Variants in MCM9 observed in about 807,000 individuals in gnomAD.
MCM9 encodes the protein minichromosome maintenance 9 homologous recombination repair factor.
MCM9 carries 55 observed loss-of-function variants against 72.8 expected under a neutral mutation model. That is an observed-to-expected ratio of 0.76 (90% CI 0.61 to 0.95). The LOEUF (loss-of-function observed/expected upper bound fraction) is 0.95, where lower values mean the gene tolerates loss of function less well. MCM9 is among the 40% of genes least tolerant of loss of function. The probability of loss-of-function intolerance (pLI) is 0.00; values close to 1 mark genes in which losing one functional copy is unlikely to be tolerated. For missense variants in MCM9, 1,279 were observed against 1,377.0 expected, an observed-to-expected ratio of 0.93 and a Z score of 1.13; for synonymous variants, 480 against 503.4, an observed-to-expected ratio of 0.95 and a Z score of 0.62.
chr6:118,836,584 GA>G (rs1290129657), intron 9 of MCM9, among the ~76,000 whole-genome samples: 2 of 152,212 alleles, frequency 1.3e-5, no homozygotes, highest in African/African-American at 4.8e-5. Context: ...GAGGGTGTAT[GA>G]GTCTAGGTAT....
chr6:118,900,625 C>A, intron 8 of MCM9: 1 of 640,200 alleles, frequency 1.6e-6, no homozygotes, highest in Non-Finnish European at 2.8e-6. Context: ...TTATAAGGAG[C>A]ATTTCACTGC....
At chr6:118,883,114 T>C (rs531917143) in intron 8 of MCM9, among the ~76,000 whole-genome samples, 2 of 93,004 alleles carry the variant, frequency 2.2e-5, no homozygotes, top group African/African-American at 8.7e-5. Context: ...TCTCAACAAA[T>C]AGAGAATATC....
At chr6:118,896,040 CGT>C (rs1779382336) in intron 8 of MCM9, among the ~76,000 whole-genome samples, 1 of 137,592 alleles carries the variant, frequency 7.3e-6, no homozygotes, top group African/African-American at 2.9e-5. Context: ...CATGTGCCCC[CGT>C]TTTTTTTTTT....
chr6:118,822,295 G>A (rs1186663745), intron 13 of MCM9, among the ~76,000 whole-genome samples: 4 of 152,268 alleles, frequency 2.6e-5, no homozygotes, highest in Non-Finnish European at 4.4e-5. Context: ...ACCTTAGGAT[G>A]GGGTTTTTGT....
chr6:118,825,322 G>A (rs1774094939), intron 13 of MCM9, among the ~76,000 whole-genome samples: 1 of 152,180 alleles, frequency 6.6e-6, no homozygotes, highest in Admixed American at 6.5e-5. Context: ...CTATTAACAG[G>A]ATAATGCCCA....
chr6:118,841,369 C>T (rs560318029), intron 9 of MCM9, among the ~76,000 whole-genome samples: 69 of 152,264 alleles, frequency 4.5e-4, no homozygotes, highest in African/African-American at 1.6e-3. Flanking sequence ...TTCTCCCTGC[C>T]TCTCTCTCCT....
chr6:118,887,747 T>A (rs1778688976), intron 8 of MCM9, among the ~76,000 whole-genome samples: 2 of 151,906 alleles, frequency 1.3e-5, no homozygotes, highest in Non-Finnish European at 2.9e-5. Flanking sequence ...GACCTGTATG[T>A]AGAACACATA....
At chr6:118,860,384 G>A (rs756883311) in intron 8 of MCM9, among the ~76,000 whole-genome samples, 12 of 151,982 alleles carry the variant, frequency 7.9e-5, no homozygotes, top group Non-Finnish European at 1.0e-4. Context: ...CACATCTGAA[G>A]AAAGAATCTC....
At chr6:118,929,422 T>C (rs1782196417) in intron 3 of MCM9, among the ~76,000 whole-genome samples, 1 of 152,200 alleles carries the variant, frequency 6.6e-6, no homozygotes, top group Admixed American at 6.5e-5. Context: ...TCTTTTTGGT[T>C]TCCCAAGATC....
intron 8 of MCM9, chr6:118,894,145 G>A: frequency 4.1e-6 from 5 of 1,232,940 alleles, no homozygotes; most frequent in South Asian, 2.3e-5. Context: ...GCTGGAGGAG[G>A]AGGGTCAGAA....
intron 9 of MCM9, among the ~76,000 whole-genome samples, chr6:118,830,485 T>C (rs1175123930): frequency 6.6e-6 from 1 of 152,236 alleles, no homozygotes; most frequent in Admixed American, 6.5e-5. Flanking sequence ...GGAAAAATTC[T>C]GGACAGTCCA....
At chr6:118,898,365 AT>A (rs1779577072) in intron 8 of MCM9, among the ~76,000 whole-genome samples, 2 of 152,128 alleles carry the variant, frequency 1.3e-5, no homozygotes, top group African/African-American at 4.8e-5. Flanking sequence ...GATCAAGGGC[AT>A]TATATGTAGT....
At position 118,832,196 on chromosome 6, in the gene MCM9, C is replaced by CA. The variant is rs1223242053; in HGVS notation, c.1326-2947dup. Among the ~76,000 whole-genome samples the CA allele has an allele frequency of 3.9e-5, 6 of 152,276 alleles. No individual in the cohort carries two copies. The East Asian group carries it at 1.2e-3, about 29-fold the overall frequency. ...CTGTCTCTGCCTATCAAGTAGCTAG[C>CA]ATTACAGGTGTACATCACCATGCCC... On this transcript the variant is annotated intron_variant, in intron 9 of 13. Coordinates refer to ENST00000619706, the MANE Select transcript of MCM9 (RefSeq NM_017696.3).
intron 3 of MCM9, among the ~76,000 whole-genome samples, chr6:118,927,006 A>G (rs754629579): frequency 2.0e-5 from 3 of 152,212 alleles, no homozygotes; most frequent in Non-Finnish European, 4.4e-5. Context: ...AAAGGAGAAT[A>G]GAAAAAAAAT....
chr6:118,921,324 T>G (rs1781407835), intron 5 of MCM9: 1 of 152,216 alleles, frequency 6.6e-6, no homozygotes, highest in Non-Finnish European at 1.5e-5. Flanking sequence ...CAGCAACTTC[T>G]GTAATTACAA....
intron 13 of MCM9, among the ~76,000 whole-genome samples, chr6:118,818,674 G>A (rs1043192351): frequency 2.0e-5 from 3 of 152,112 alleles, no homozygotes; most frequent in African/African-American, 4.8e-5. Context: ...GAAAGTCAAC[G>A]GTAGCTTGAT....
intron 8 of MCM9, among the ~76,000 whole-genome samples, chr6:118,872,943 AG>A (rs2114329732): frequency 6.6e-6 from 1 of 152,162 alleles, no homozygotes; most frequent in South Asian, 2.1e-4. Context: ...CTGAGGTGAG[AG>A]GATCTCTTGA....
intron 8 of MCM9, among the ~76,000 whole-genome samples, chr6:118,878,168 GA>G (rs1778060566): frequency 6.6e-6 from 1 of 151,500 alleles, no homozygotes; most frequent in Admixed American, 6.6e-5. Context: ...CCTCAAAACA[GA>G]AAAACAAAAA....
intron 8 of MCM9, among the ~76,000 whole-genome samples, chr6:118,870,838 C>T (rs1777553193): frequency 6.6e-6 from 1 of 151,832 alleles, no homozygotes; most frequent in African/African-American, 2.4e-5. Context: ...TACATGCCAA[C>T]AAATTTGACC....
Sources: gnomAD v4.1 joint callset for allele counts (sites outside exome capture counted in the v4.1 genomes callset) on GRCh38, gnomAD v4.1.1 for gene constraint, MANE v1.5 for transcripts, NCBI Gene and HGNC (gene_info 2026-07-23, HGNC 2026-07-21) for gene names.